The following LRRC63 variants were observed in gnomAD, a reference collection of about 807,000 sequenced individuals.
LRRC63 encodes the protein leucine-rich repeat-containing protein 63.
A neutral mutation model predicts 49.5 loss-of-function variants in LRRC63; 40 were observed. The observed-to-expected ratio is 0.81, with a 90% CI of 0.63 to 1.05. The LOEUF is 1.05. LRRC63 is among the 50% of genes least tolerant of loss of function. LRRC63 has a pLI of 0.00. For missense variants in LRRC63, 636 were observed against 663.1 expected (o/e 0.96, Z 0.45); for synonymous variants, 191 against 221.1 (o/e 0.86, Z 1.21).
At position 46,261,941 on chromosome 13, in the gene LRRC63, AT is replaced by A; in HGVS notation, c.1260del (p.Asp420GlufsTer23). On this transcript the variant is annotated frameshift_variant, in exon 8 of 10. Coordinates refer to ENST00000595396, the Ensembl canonical transcript of LRRC63. LOFTEE classifies it high-confidence loss of function. The stretch of plus-strand genomic sequence containing the variant: ...TCCTTGTCTTATCTTGAAGAACTTG[AT>A]GTTTCCTATAATGAACTTACTTTTA... The A allele has an allele frequency of 8.6e-7, 1 of 1,164,428 alleles. No individual in the cohort carries two copies. The allele number at this position is 1,164,428 out of a possible 1,614,324, so 72.1% of individuals were successfully genotyped here. A position where few individuals can be genotyped will look rare whatever the true frequency, so the allele number is the denominator to read the frequency against.
chr13:46,272,481 G>T (rs547169694), intron 9 of LRRC63, among the ~76,000 whole-genome samples: 1 of 152,260 alleles, frequency 6.6e-6, no homozygotes, highest in East Asian at 1.9e-4. Context: ...TTAAAAGACT[G>T]ATATTGTGCT....
intron 9 of LRRC63, among the ~76,000 whole-genome samples, chr13:46,272,120 A>G (rs1398367104): frequency 1.3e-5 from 2 of 152,234 alleles, no homozygotes; most frequent in Non-Finnish European, 2.9e-5. Flanking sequence ...GGTAGCGTCT[A>G]CAATGTGGAT....
intron 4 of LRRC63, among the ~76,000 whole-genome samples, chr13:46,230,173 C>G (rs1384957950): frequency 2.0e-5 from 3 of 152,140 alleles, no homozygotes; most frequent in African/African-American, 4.8e-5. Flanking sequence ...TCTGGCCCCT[C>G]AAATATCATG....
intron 9 of LRRC63, chr13:46,270,702 G>A (rs2047746309): frequency 1.6e-6 from 1 of 643,036 alleles, no homozygotes; most frequent in East Asian, 3.1e-5. Context: ...AGAAGAACCA[G>A]TATCTGTGAA....
At chr13:46,272,164 G>A (rs541891407) in intron 9 of LRRC63, among the ~76,000 whole-genome samples, 1 of 152,234 alleles carries the variant, frequency 6.6e-6, no homozygotes, top group East Asian at 1.9e-4. Context: ...TGTCCCAGGT[G>A]GGCAGTTTAA....
intron 2 of LRRC63, among the ~76,000 whole-genome samples, chr13:46,226,781 A>G (rs1327307071): frequency 6.6e-6 from 1 of 152,180 alleles, no homozygotes; most frequent in Non-Finnish European, 1.5e-5. Context: ...TTGAAGGACT[A>G]ATTTTGGCCA....
At chr13:46,270,054 G>A (rs2047735049) in intron 9 of LRRC63, 1 of 553,156 alleles carries the variant, frequency 1.8e-6, no homozygotes, top group South Asian at 2.0e-5. Context: ...TAATTTATAG[G>A]GGTGGTGGCG....
chr13:46,257,970 T>C (rs189359758), intron 7 of LRRC63, among the ~76,000 whole-genome samples: 352 of 152,150 alleles, frequency 2.3e-3, no homozygotes, highest in African/African-American at 7.9e-3. Context: ...TTACTAAAAG[T>C]GTAATGGAGT....
chr13:46,242,562 A>G (rs937778886), intron 5 of LRRC63, among the ~76,000 whole-genome samples: 2 of 152,216 alleles, frequency 1.3e-5, no homozygotes, highest in Non-Finnish European at 2.9e-5. Flanking sequence ...ACTCAAGTAC[A>G]GGAAATTCAA....
At chr13:46,251,651 A>C (rs2047385479) in intron 7 of LRRC63, among the ~76,000 whole-genome samples, 1 of 151,930 alleles carries the variant, frequency 6.6e-6, no homozygotes, top group African/African-American at 2.4e-5. Flanking sequence ...ATGTATGTAT[A>C]CTAACCCATG....
chr13:46,225,365 G>T (rs1203468967), intron 2 of LRRC63, among the ~76,000 whole-genome samples: 1 of 152,212 alleles, frequency 6.6e-6, no homozygotes, highest in Non-Finnish European at 1.5e-5. Context: ...CAGTCAAGCA[G>T]GTCTCTGGAT....
intron 9 of LRRC63, among the ~76,000 whole-genome samples, chr13:46,272,281 A>G (rs1455069560): frequency 2.0e-5 from 3 of 152,236 alleles, no homozygotes; most frequent in African/African-American, 7.2e-5. Flanking sequence ...ACACTACTGT[A>G]TATCTTCCAT....
chr13:46,266,752 G>A, exon 9 of LRRC63: 1 of 1,547,570 alleles, frequency 6.5e-7, no homozygotes, highest in South Asian at 1.2e-5. Context: ...AAAACTGACT[G>A]TTGATGGGAA....
At chr13:46,228,927 T>C (rs545151050) in intron 4 of LRRC63, among the ~76,000 whole-genome samples, 194 bp downstream of exon 4, 23 of 152,302 alleles carry the variant, frequency 1.5e-4, no homozygotes, top group African/African-American at 5.5e-4. Flanking sequence ...ACCAAATATA[T>C]TGATATTGAG....
chr13:46,245,993 G>A (rs1198045651), intron 5 of LRRC63, among the ~76,000 whole-genome samples: 2 of 152,274 alleles, frequency 1.3e-5, no homozygotes, highest in Middle Eastern at 3.4e-3. Flanking sequence ...TGAAGGTGGG[G>A]CCTAGTGGGA....
chr13:46,250,378 A>G, exon 7 of LRRC63: 4 of 1,518,438 alleles, frequency 2.6e-6, no homozygotes, highest in Non-Finnish European at 3.6e-6. Flanking sequence ...AAAATTTACA[A>G]ATACTGAAAT....
chr13:46,234,939 G>A (rs1291369696), intron 5 of LRRC63, among the ~76,000 whole-genome samples: 1 of 152,080 alleles, frequency 6.6e-6, no homozygotes, highest in Non-Finnish European at 1.5e-5. Context: ...TTTGAAATAA[G>A]TTCTAACTCA....
exon 7 of LRRC63, chr13:46,250,366 T>A (rs2047345319): frequency 6.6e-7 from 1 of 1,513,224 alleles, no homozygotes; most frequent in African/African-American, 1.4e-5. Flanking sequence ...TATTATGTCT[T>A]AAAAATTTAC....
chr13:46,227,965 C>G, exon 3 of LRRC63: 2 of 1,550,828 alleles, frequency 1.3e-6, no homozygotes, highest in South Asian at 1.2e-5. Context: ...AAGCATCAAC[C>G]TTTACCAGAG....
Sources: gnomAD v4.1 joint callset for allele counts (sites outside exome capture counted in the v4.1 genomes callset) on GRCh38, gnomAD v4.1.1 for gene constraint, MANE v1.5 for transcripts, NCBI Gene and HGNC (gene_info 2026-07-23, HGNC 2026-07-21) for gene names.